Variants in RTN4 observed in about 807,000 individuals in gnomAD.
RTN4 encodes reticulon 4.
A neutral mutation model predicts 90.4 loss-of-function variants in RTN4; 32 were observed. The ratio of observed to expected loss-of-function variants is 0.35; its 90% CI spans 0.27 to 0.48. The LOEUF (loss-of-function observed/expected upper bound fraction) is 0.48. Ranked by LOEUF, RTN4 falls within the 20% of genes least tolerant of loss-of-function variation. The probability of loss-of-function intolerance (pLI) is 0.99; values close to 1 mark genes in which losing one functional copy is unlikely to be tolerated. For synonymous variants in RTN4, 629 were observed against 552.5 expected, an observed-to-expected ratio of 1.14 and a Z score of -1.94; for missense variants, 1,706 against 1,430.2, an observed-to-expected ratio of 1.19 and a Z score of -3.11.
At chr2:55,040,295 T>A (rs1402522612) in intron 1 of RTN4, among the ~76,000 whole-genome samples, 1 of 152,178 alleles carries the variant, frequency 6.6e-6, no homozygotes, top group Non-Finnish European at 1.5e-5. Flanking sequence ...ATGATGTTGA[T>A]GAATTGAGAC....
intron 5 of RTN4, among the ~76,000 whole-genome samples, chr2:54,975,849 T>G (rs186942997): frequency 9.8e-5 from 15 of 152,334 alleles, no homozygotes; most frequent in African/African-American, 3.6e-4. Flanking sequence ...TCACCCTAAC[T>G]GAATTTAACT....
chr2:54,973,667 T>C, intron 7 of RTN4, 46 bp from the exon 8 acceptor site: 1 of 1,522,866 alleles, frequency 6.6e-7, no homozygotes. Context: ...TAAAGAATCT[T>C]ATTAACCACT....
the RTN4 span, among the ~76,000 whole-genome samples, chr2:55,135,408 T>C: frequency 6.6e-6 from 1 of 152,160 alleles, no homozygotes; most frequent in African/African-American, 2.4e-5. Flanking sequence ...GATTTCACCA[T>C]GTTGGCCAGG....
intron 3 of RTN4, among the ~76,000 whole-genome samples, chr2:55,017,229 T>A (rs1322674039): frequency 1.3e-5 from 2 of 152,124 alleles, no homozygotes; most frequent in Admixed American, 1.3e-4. Context: ...AAATATCAAC[T>A]CTTAGTATCT....
chr2:54,975,773 T>C (rs186590467), intron 5 of RTN4, among the ~76,000 whole-genome samples: 1 of 152,350 alleles, frequency 6.6e-6, no homozygotes, highest in African/African-American at 2.4e-5. Flanking sequence ...GCATATTTAT[T>C]ACAGCTTAGG....
At position 55,002,234 on chromosome 2, in the gene RTN4, A is replaced by C. The variant is rs569426347; in HGVS notation, c.3014-14536T>G. Among the ~76,000 whole-genome samples the C allele has an allele frequency of 7.2e-4, 109 of 151,656 alleles. No individual in the cohort carries two copies. In the Middle Eastern group the frequency reaches 0.024, roughly 33 times the overall value. ...CCACCACACCAAGCTAATTTTTTAA[A>C]ATTTTGTAGAGGCAGGGCCTCCCTA... On this transcript the variant is annotated intron_variant, in intron 3 of 8. Coordinates refer to ENST00000337526, the MANE Select transcript of RTN4 (RefSeq NM_020532.5).
intron 1 of RTN4, among the ~76,000 whole-genome samples, chr2:55,105,473 G>A (rs1283372258): frequency 6.6e-6 from 1 of 151,926 alleles, no homozygotes; most frequent in African/African-American, 2.4e-5. Context: ...CAAGTGATCT[G>A]CCCACTTCAG....
chr2:54,999,281 G>C (rs1002536646), intron 3 of RTN4, among the ~76,000 whole-genome samples: 2 of 152,184 alleles, frequency 1.3e-5, no homozygotes, highest in Non-Finnish European at 2.9e-5. Context: ...TGCACAGTAA[G>C]AAGAGCTGCC....
chr2:55,097,680 G>A (rs981728086), intron 1 of RTN4, among the ~76,000 whole-genome samples: 7 of 152,108 alleles, frequency 4.6e-5, no homozygotes, highest in African/African-American at 1.7e-4. Flanking sequence ...TAAACATTGG[G>A]AATATGAGAG....
chr2:55,113,561 T>A (rs1288115171), upstream of RTN4, among the ~76,000 whole-genome samples: 2 of 152,182 alleles, frequency 1.3e-5, no homozygotes, highest in South Asian at 2.1e-4. Flanking sequence ...GTAGCCCTTG[T>A]TTCAATTGAA....
intron 3 of RTN4, among the ~76,000 whole-genome samples, chr2:55,013,608 TGG>T (rs57840770): frequency 0.029 from 1,794 of 62,530 alleles, 40 homozygotes; most frequent in African/African-American, 0.062. Context: ...GGTTTTTTTT[TGG>T]GGGGGGGGGA....
chr2:54,980,705 A>G (rs1678050363), intron 5 of RTN4, among the ~76,000 whole-genome samples: 1 of 152,146 alleles, frequency 6.6e-6, no homozygotes, highest in South Asian at 2.1e-4. Context: ...CCAATCTTTG[A>G]CTACTAAATT....
chr2:55,081,120 G>A (rs377270777), intron 1 of RTN4, among the ~76,000 whole-genome samples: 47 of 151,918 alleles, frequency 3.1e-4, no homozygotes, highest in African/African-American at 9.9e-4. Flanking sequence ...TGTCACCCAG[G>A]CTGGAGCGCA....
rs565389232 is a variant in RTN4, at chr2:55,072,745, T to G, written c.-63+7744A>C. ...TCGATATGCATTCTAATTTTGAAAT[T>G]CCCCAAAGGAATGTTTACATGATCT... On this transcript the variant is annotated intron_variant, in intron 2 of 3. Coordinates refer to the RTN4 transcript ENST00000427710. Among the ~76,000 whole-genome samples the G allele has an allele frequency of 1.4e-4, 22 of 152,332 alleles. No individual in the cohort carries two copies. In the South Asian group the frequency reaches 3.5e-3, roughly 24 times the overall value.
intron 2 of RTN4, among the ~76,000 whole-genome samples, chr2:55,077,508 A>G (rs1335802195): frequency 6.6e-6 from 1 of 152,202 alleles, no homozygotes; most frequent in Non-Finnish European, 1.5e-5. Flanking sequence ...ACACTTTTAC[A>G]TTGTTGGTGG....
intron 3 of RTN4, among the ~76,000 whole-genome samples, chr2:54,992,357 T>C (rs1293928460): frequency 2.0e-5 from 3 of 152,208 alleles, no homozygotes; most frequent in African/African-American, 7.2e-5. Context: ...CAAAATGTTA[T>C]ACGTGTGCAT....
At chr2:54,993,873 A>C (rs145540152) in intron 3 of RTN4, among the ~76,000 whole-genome samples, 54 of 152,370 alleles carry the variant, frequency 3.5e-4, no homozygotes, top group African/African-American at 1.2e-3. Flanking sequence ...CTACACTGCC[A>C]CCAACCCCAC....
rs201783314 is a variant in RTN4, at chr2:55,026,193, A to G, written c.1906T>C (p.Ser636Pro). 39 of 1,613,522 alleles carry G rather than the reference A, an allele frequency of 2.4e-5. No homozygotes were observed. The Admixed American group carries it at 6.3e-4, about 26-fold the overall frequency. Reference protein sequence around the residue: ...SAGASVIQPSSSPLEASSVNY... With the variant: ...SAGASVIQPSPSPLEASSVNY... ...ACTGAAGAAGCTTCTAATGGTGATG[A>G]GCTGGGCTGTATCACGGAAGCACCA... The change falls in exon 3 of 9, where the codon TCA becomes CCA. Residue 636 changes from serine to proline, a missense_variant. Physicochemically the swap from Ser to Pro is moderately conservative, Grantham distance 74. Coordinates refer to ENST00000337526, the MANE Select transcript of RTN4 (RefSeq NM_020532.5).
intron 5 of RTN4, among the ~76,000 whole-genome samples, chr2:54,976,765 G>A (rs540380230): frequency 6.6e-6 from 1 of 152,288 alleles, no homozygotes; most frequent in Admixed American, 6.5e-5. Context: ...CAGGAATAAG[G>A]TCAATAAACA....
Sources: gnomAD v4.1 joint callset for allele counts (sites outside exome capture counted in the v4.1 genomes callset) on GRCh38, gnomAD v4.1.1 for gene constraint, MANE v1.5 for transcripts, NCBI Gene and HGNC (gene_info 2026-07-23, HGNC 2026-07-21) for gene names.